PISD: variants seen among roughly 807,000 people sequenced by gnomAD.
The protein encoded by PISD is phosphatidylserine decarboxylase proenzyme, mitochondrial.
Under a neutral mutation model 43.5 loss-of-function variants are expected in PISD, and 31 were observed. That is an observed-to-expected ratio of 0.71 (90% CI 0.54 to 0.96). PISD has a LOEUF of 0.96. PISD is among the 40% of genes least tolerant of loss of function. The pLI is 0.00. For synonymous variants in PISD, 259 were observed against 228.7 expected, an observed-to-expected ratio of 1.13 and a Z score of -1.20; for missense variants, 523 against 548.4, an observed-to-expected ratio of 0.95 and a Z score of 0.46.
In PISD at chr22:31,636,974, C is replaced by T. The variant is rs181747099; in HGVS notation, c.321+11127G>A. The stretch of plus-strand genomic sequence containing the variant: ...TACAGGTGTGAGCCACCGCGCCCAA[C>T]CTTTTCCCTTTTTTTAAAAAGATTA... On this transcript the variant is annotated intron_variant, in intron 3 of 7. Transcript: ENST00000439502. 3.5e-3 allele frequency among the ~76,000 whole-genome samples: 524 copies of T among 151,510 alleles called. 3 individuals carry two copies. Among genetic ancestry groups the T allele is most frequent in the South Asian group, 0.012 (57 of 4,800 alleles).
At chr22:31,662,293 C>T, upstream of PISD, 1 of 1,383,298 alleles carries the variant, frequency 7.2e-7, no homozygotes, top group Non-Finnish European at 1.0e-6. Context: ...GTTCAGTGGG[C>T]CAATGAGAAA....
rs1459420415 is a variant in PISD, at chr22:31,619,325, TAC to T, written c.*285_*286del. ...TCAGGAATGCAGGCTCTTCCGTCTA[TAC>T]AGTGTTTAAAAAGATCCAAATGTGA... On this transcript the variant is annotated 3_prime_UTR_variant, in exon 8 of 8. Transcript: ENST00000439502. 57 of 455,762 alleles carry T rather than the reference TAC, an allele frequency of 1.3e-4. No homozygotes were observed. The highest frequency in any genetic ancestry group is 2.2e-4 in the Non-Finnish European group (52 of 241,418). The allele number at this position is 455,762 out of a possible 1,614,324, so 28.2% of individuals were successfully genotyped here.
At position 31,630,565 on chromosome 22, in the gene PISD, C is replaced by T. The variant is rs1603402251; in HGVS notation, c.322-8680G>A. On this transcript the variant is annotated intron_variant, in intron 3 of 7. Coordinates refer to ENST00000439502, the MANE Select transcript of PISD (RefSeq NM_001326411.2). This position sits in a 1 kb window ranked among gnomAD's most constrained non-coding sequence, Gnocchi z 4.4. ...AAGATGTGGAGGAAGTGAGCTCACG[C>T]AGCCCGGGCCGTGCCCACGTGGGGA... The T allele has an allele frequency of 4.4e-6, 1 of 226,198 alleles. No homozygotes were observed. Among genetic ancestry groups the T allele is most frequent in the East Asian group, 1.8e-4 (1 of 5,498 alleles). The allele number at this position is 226,198 out of a possible 1,614,324, so 14.0% of individuals were successfully genotyped here.
chr22:31,637,872 C>T (rs2073560117), intron 3 of PISD, among the ~76,000 whole-genome samples: 1 of 152,220 alleles, frequency 6.6e-6, no homozygotes, highest in Admixed American at 6.5e-5. Context: ...ACATTACAAG[C>T]TCTGACTGAA....
chr22:31,618,935 A>G lies in PISD; in HGVS notation c.*677T>C, dbSNP rs1229927060. The G allele has an allele frequency of 6.1e-6, 1 of 163,764 alleles. No individual in the cohort carries two copies. Among genetic ancestry groups the G allele is most frequent in the Non-Finnish European group, 1.3e-5 (1 of 74,846 alleles). 10.1% of individuals were successfully genotyped at this position (163,764 alleles called of 1,614,324 possible). ...GATTGATTGGTCTTGCCTGCTGCAG[A>G]GGACCTGGCCAGCTCCAGAAGGGTC... On this transcript the variant is annotated 3_prime_UTR_variant, in exon 8 of 8. Coordinates refer to ENST00000439502, the MANE Select transcript of PISD (RefSeq NM_001326411.2).
chr22:31,627,571 CTT>C (rs1422078842), intron 3 of PISD, among the ~76,000 whole-genome samples: 1 of 152,226 alleles, frequency 6.6e-6, no homozygotes, highest in Non-Finnish European at 1.5e-5. Context: ...AGGGGAAGCT[CTT>C]TCCCTGGTCT....
intron 3 of PISD, 48 bp from the exon 4 acceptor site, chr22:31,621,933 C>G (rs945707696): frequency 4.3e-6 from 6 of 1,387,552 alleles, no homozygotes; most frequent in Admixed American, 1.7e-5. Context: ...TGCCCCAGCT[C>G]CAGAGAGCCC....
intron 3 of PISD, among the ~76,000 whole-genome samples, chr22:31,628,448 T>C (rs917964285): frequency 2.6e-5 from 4 of 152,220 alleles, no homozygotes; most frequent in Admixed American, 2.6e-4. Flanking sequence ...GTATCCAGAA[T>C]GGAGGAAGCA....
At chr22:31,655,015 G>A (rs1333590945) in intron 1 of PISD, among the ~76,000 whole-genome samples, 1 of 148,826 alleles carries the variant, frequency 6.7e-6, no homozygotes, top group East Asian at 2.0e-4. Flanking sequence ...GGCAGAGGTT[G>A]CAGTGAGCCG....
At chr22:31,660,041 T>C (rs1208797184) in intron 1 of PISD, among the ~76,000 whole-genome samples, 1 of 152,164 alleles carries the variant, frequency 6.6e-6, no homozygotes, top group Non-Finnish European at 1.5e-5. Flanking sequence ...ATGTTATCTA[T>C]CACCTGTCAC....
Position 31,619,244 on chromosome 22 carries a change from T to G in PISD, c.*368A>C. 4.5e-5 allele frequency: 14 copies of G among 307,780 alleles called. No individual in the cohort carries two copies. Among genetic ancestry groups the G allele is most frequent in the East Asian group, 9.6e-5 (1 of 10,440 alleles). The allele number at this position is 307,780 out of a possible 1,614,324, so 19.1% of individuals were successfully genotyped here. On this transcript the variant is annotated 3_prime_UTR_variant, in exon 8 of 8. Transcript: ENST00000439502. ...AGGGGCCAACAGAAAACAGCTCAGG[T>G]GATGGGGGGAGGAGCAGCAAGAAAA...
intron 3 of PISD, chr22:31,623,907 A>C: frequency 6.6e-7 from 1 of 1,518,062 alleles, no homozygotes; most frequent in Non-Finnish European, 9.0e-7. Context: ...GGCAGGACCC[A>C]GGAGGCTGCC....
At chr22:31,627,471 T>C (rs186486836) in intron 3 of PISD, among the ~76,000 whole-genome samples, 9 of 152,344 alleles carry the variant, frequency 5.9e-5, no homozygotes, top group Non-Finnish European at 1.0e-4. Context: ...CCACCCTCCC[T>C]GGCCCACCAG....
At chr22:31,637,040 CA>C (rs2073464217) in intron 3 of PISD, among the ~76,000 whole-genome samples, 1 of 149,538 alleles carries the variant, frequency 6.7e-6, no homozygotes, top group Non-Finnish European at 1.5e-5. Flanking sequence ...ATAATTTCAA[CA>C]CTTTGGGAGG....
intron 1 of PISD, among the ~76,000 whole-genome samples, chr22:31,659,457 T>C (rs16989374): frequency 0.032 from 4,900 of 152,270 alleles, 168 homozygotes; most frequent in Admixed American, 0.12. Context: ...ATGGAAGTCA[T>C]GCACGAGAAG....
At chr22:31,632,256 G>A in intron 3 of PISD, 1 of 984,942 alleles carries the variant, frequency 1.0e-6, no homozygotes, top group Non-Finnish European at 1.2e-6. Context: ...AAGACAGATA[G>A]GGTCCTCCTC....
chr22:31,626,227 T>G (rs2072900886), intron 3 of PISD: 1 of 209,584 alleles, frequency 4.8e-6, no homozygotes, highest in African/African-American at 2.3e-5. Context: ...GCCCTAGGGC[T>G]GCCCGGTCCA....
chr22:31,628,281 G>T, intron 3 of PISD: 1 of 736,552 alleles, frequency 1.4e-6, no homozygotes, highest in Non-Finnish European at 1.7e-6. Context: ...CCACTTCCTT[G>T]GCCAGCAGTG....
rs371472629 is a variant in PISD at position 31,638,544 on chromosome 22, G to A, written c.321+9557C>T. On this transcript the variant is annotated intron_variant, in intron 3 of 7. Transcript: ENST00000439502. ...GAAATGACACAGCTGCCCCAAGAGA[G>A]GCAAAACGGGTAGTAAGGACACCCG... 286 of 985,436 alleles carry A rather than the reference G, an allele frequency of 2.9e-4. 5 individuals are homozygous for A. The South Asian group carries it at 0.012, about 42-fold the overall frequency. The allele number at this position is 985,436 out of a possible 1,614,324, so 61.0% of individuals were successfully genotyped here.
Sources: gnomAD v4.1 joint callset for allele counts (sites outside exome capture counted in the v4.1 genomes callset) on GRCh38, gnomAD v4.1.1 for gene constraint, Gnocchi (gnomAD v3.1) non-coding constraint, MANE v1.5 for transcripts, NCBI Gene and HGNC (gene_info 2026-07-23, HGNC 2026-07-21) for gene names.